The following MYO7B variants were observed in gnomAD, a reference collection of about 807,000 sequenced individuals.
MYO7B encodes myosin VIIB, also known as unconventional myosin-VIIb.
Under a neutral mutation model 259.7 loss-of-function variants are expected in MYO7B, and 212 were observed. The observed-to-expected ratio is 0.82, with a 90% CI of 0.73 to 0.91. MYO7B has a LOEUF of 0.91. Ranked by LOEUF, MYO7B falls within the 40% of genes least tolerant of loss-of-function variation. MYO7B has a pLI of 0.00. For missense variants in MYO7B, 2,732 were observed against 2,813.5 expected, an observed-to-expected ratio of 0.97 and a Z score of 0.66; for synonymous variants, 1,197 against 1,166.4, an observed-to-expected ratio of 1.03 and a Z score of -0.54.
chr2:127,635,051 G>T, intron 42 of MYO7B, 69 bp from the exon 43 acceptor site: 1 of 1,278,086 alleles, frequency 7.8e-7, no homozygotes, highest in African/African-American at 1.5e-5. Flanking sequence ...CAGTGTGGGG[G>T]GTGGCAGGGG....
intron 27 of MYO7B, among the ~76,000 whole-genome samples, chr2:127,621,295 A>C (rs1192193143): frequency 2.3e-5 from 3 of 130,950 alleles, no homozygotes; most frequent in Admixed American, 9.2e-5. Context: ...ACGGAGTCTC[A>C]CTCTGTCGCC....
Position 127,608,707 on chromosome 2 carries a change from G to GA in MYO7B, c.2644-1_2644insA (p.Ala882SerfsTer30), listed in dbSNP as rs1680255271. On this transcript the variant is annotated frameshift_variant and splice_region_variant. Transcript: ENST00000409816. LOFTEE classifies it high-confidence loss of function. ...GTAACCTTCCTCCACGGGGTATGCA[G>GA]GCGCCGCTGGTCATCCCGGCCGAGG... The GA allele has an allele frequency of 6.2e-7, 1 of 1,610,218 alleles. No individual in the cohort carries two copies. The highest frequency in any genetic ancestry group is 1.7e-5 in the Admixed American group (1 of 59,902).
intron 10 of MYO7B, among the ~76,000 whole-genome samples, chr2:127,581,138 C>A (rs77354621): frequency 6.6e-6 from 1 of 152,160 alleles, no homozygotes; most frequent in Non-Finnish European, 1.5e-5. Context: ...CTAGGCTCCC[C>A]ACTTGGACCC....
chr2:127,559,804 G>T lies in MYO7B; in HGVS notation c.18+64G>T. 1 of 1,575,938 alleles carries T rather than the reference G, an allele frequency of 6.3e-7. No homozygotes were observed. The highest frequency in any genetic ancestry group is 8.7e-7 in the Non-Finnish European group (1 of 1,145,458). Reference sequence around the variant, plus strand: ...AAGTTACTCAAGGCCAAGTTGAATCGCTCCCAAGGAAAGAGAGGAAAGGCA... The same window carrying T: ...AAGTTACTCAAGGCCAAGTTGAATCTCTCCCAAGGAAAGAGAGGAAAGGCA... On this transcript the variant is annotated intron_variant, in intron 2 of 47. Coordinates refer to ENST00000409816, the MANE Select transcript of MYO7B (RefSeq NM_001393586.1). The surrounding 1 kb of genome is among the most constrained non-coding windows in gnomAD (Gnocchi z 4.1).
chr2:127,574,272 C>CG (rs1395535993), intron 7 of MYO7B, among the ~76,000 whole-genome samples: 1 of 152,190 alleles, frequency 6.6e-6, no homozygotes, highest in Non-Finnish European at 1.5e-5. Context: ...TGGTGGCGCA[C>CG]GCCTCTAATC....
intron 24 of MYO7B, among the ~76,000 whole-genome samples, chr2:127,610,619 A>G (rs1480105565): frequency 6.6e-6 from 1 of 152,256 alleles, no homozygotes; most frequent in Non-Finnish European, 1.5e-5. Context: ...CCATGCTGTA[A>G]TGTTAGTGGA....
chr2:127,627,083 A>C lies in MYO7B; in HGVS notation c.4324A>C (p.Thr1442Pro). ...LLFSRLFEVI[T>P]LSGPRLPKTQ... is the part of the protein sequence containing the mutation. ...CTTCTCCCGGCTCTTCGAAGTCATC[A>C]CACTCTCAGGTAATGGCATCTGACA... The change falls in exon 32 of 48, where the codon ACA becomes CCA. Residue 1442 changes from threonine to proline, a missense_variant. By Grantham distance (38) the Thr-to-Pro change is conservative. Coordinates refer to ENST00000409816, the MANE Select transcript of MYO7B (RefSeq NM_001393586.1). This position sits in a 1 kb window ranked among gnomAD's most constrained non-coding sequence, Gnocchi z 5.6. 6.2e-7 allele frequency: 1 copy of C among 1,610,638 alleles called. No individual in the cohort carries two copies. The highest frequency in any genetic ancestry group is 8.5e-7 in the Non-Finnish European group (1 of 1,178,848).
chr2:127,619,243 G>T (rs1449518649), intron 26 of MYO7B, among the ~76,000 whole-genome samples: 2 of 128,588 alleles, frequency 1.6e-5, no homozygotes, highest in African/African-American at 6.2e-5. Context: ...GGTTGTGGGG[G>T]CTGGTTGGGT....
chr2:127,629,762 G>T lies in MYO7B; in HGVS notation c.4742G>T (p.Gly1581Val), dbSNP rs1367593535. ...LGQNDRTGKT[G>V]LVPMACLYTI... Reference sequence around the variant, plus strand: ...CAGAACGACAGGACAGGCAAGACGGGGCTGGTGCCCATGGCCTGCCTCTAC... The same window carrying T: ...CAGAACGACAGGACAGGCAAGACGGTGCTGGTGCCCATGGCCTGCCTCTAC... Residue 1581 changes from glycine (G) to valine (V), a missense_variant, in exon 35 of 48, where the codon GGG (glycine) becomes GTG (valine). Around this residue, in one of 3 missense-constraint regions of MYO7B, gnomAD observed 821 missense variants for 769.3 expected, o/e 1.07. Coordinates refer to ENST00000409816, the MANE Select transcript of MYO7B (RefSeq NM_001393586.1). 5.6e-6 allele frequency: 9 copies of T among 1,610,310 alleles called. No individual in the cohort carries two copies. The African/African-American group carries it at 1.1e-4, about 19-fold the overall frequency.
Position 127,624,334 on chromosome 2 carries a change from G to C in MYO7B, c.4047+14G>C, listed in dbSNP as rs1366344649. ...AGCTTCGAGAAGGTGAGGGGCCTGA[G>C]AGCCAGGTCCACCCTAGGCTTTGCC... On this transcript the variant is annotated intron_variant, in intron 30 of 47. Coordinates refer to ENST00000409816, the MANE Select transcript of MYO7B (RefSeq NM_001393586.1). 6.4e-7 allele frequency: 1 copy of C among 1,558,712 alleles called. No homozygotes were observed. The highest frequency in any genetic ancestry group is 1.4e-5 in the African/African-American group (1 of 73,518).
chr2:127,629,731 C>A lies in MYO7B; in HGVS notation c.4711C>A (p.Leu1571Ile). The change falls in exon 35 of 48, where the codon CTC becomes ATC. Residue 1571 changes from leucine to isoleucine, a missense_variant. Leu to Ile is a conservative substitution (Grantham distance 5, BLOSUM62 2). Transcript: ENST00000409816. ...GCTGCTGGCCTCTGAGAACTGGACCCTCGGCCAGAACGACAGGACAGGCAA... is the reference window on the plus strand; with the variant it reads ...GCTGCTGGCCTCTGAGAACTGGACCATCGGCCAGAACGACAGGACAGGCAA... ...QGLLASENWT[L>I]GQNDRTGKTG... The A allele has an allele frequency of 3.7e-6, 6 of 1,612,284 alleles. No homozygotes were observed. Among genetic ancestry groups the A allele is most frequent in the Non-Finnish European group, 5.1e-6 (6 of 1,179,444 alleles).
At chr2:127,596,096 T>C (rs938511784) in intron 18 of MYO7B, among the ~76,000 whole-genome samples, 1 of 152,222 alleles carries the variant, frequency 6.6e-6, no homozygotes, top group African/African-American at 2.4e-5. Flanking sequence ...AACATTTTTA[T>C]ATTGAAACAA....
intron 1 of MYO7B, among the ~76,000 whole-genome samples, chr2:127,549,886 G>C (rs1693382373): frequency 6.6e-6 from 1 of 152,128 alleles, no homozygotes; most frequent in Non-Finnish European, 1.5e-5. Context: ...CATCCAAATG[G>C]CTTACCCCAA....
intron 35 of MYO7B, among the ~76,000 whole-genome samples, chr2:127,630,406 C>T (rs765473101): frequency 6.6e-6 from 1 of 152,176 alleles, no homozygotes; most frequent in Non-Finnish European, 1.5e-5. Flanking sequence ...GAGGGAGGGA[C>T]ATTTGTGCTG....
Position 127,635,709 on chromosome 2 carries a change from G to A in MYO7B, c.5821-13G>A. 6.9e-6 allele frequency: 11 copies of A among 1,594,088 alleles called. No individual in the cohort carries two copies. Among genetic ancestry groups the A allele is most frequent in the Non-Finnish European group, 8.5e-6 (10 of 1,170,660 alleles). Reference sequence around the variant, plus strand: ...GCTGGAGACCCAGCATGCCCAGTGTGTCCATCACCCAGGAGCTGCCCAAGT... The same window carrying A: ...GCTGGAGACCCAGCATGCCCAGTGTATCCATCACCCAGGAGCTGCCCAAGT... On this transcript the variant is annotated splice_polypyrimidine_tract_variant and intron_variant, in intron 43 of 47. Coordinates refer to ENST00000409816, the MANE Select transcript of MYO7B (RefSeq NM_001393586.1).
intron 1 of MYO7B, among the ~76,000 whole-genome samples, chr2:127,536,382 T>C (rs1692776979): frequency 7.0e-6 from 1 of 142,014 alleles, no homozygotes; most frequent in Non-Finnish European, 1.5e-5. Flanking sequence ...CTTATCCGCC[T>C]TACCCATGTA....
intron 1 of MYO7B, among the ~76,000 whole-genome samples, chr2:127,551,805 A>G (rs568451433): frequency 1.3e-5 from 2 of 152,244 alleles, no homozygotes; most frequent in South Asian, 2.1e-4. Flanking sequence ...GTTTCAGTGA[A>G]AGAGGTCAAG....
chr2:127,588,358 G>A, intron 14 of MYO7B, 34 bp from the exon 15 acceptor site: 1 of 1,608,020 alleles, frequency 6.2e-7, no homozygotes, highest in Non-Finnish European at 8.5e-7. Context: ...TGATGGCTAA[G>A]CTGGGATGCT....
chr2:127,569,459 C>G (rs948696859), intron 5 of MYO7B, among the ~76,000 whole-genome samples: 4 of 152,194 alleles, frequency 2.6e-5, no homozygotes, highest in African/African-American at 9.6e-5. Flanking sequence ...GTGGGCCACC[C>G]TTTCATTAGG....
Sources: gnomAD v4.1 joint callset for allele counts (sites outside exome capture counted in the v4.1 genomes callset) on GRCh38, gnomAD v4.1.1 for gene constraint, gnomAD v4.1.1 regional missense constraint, Gnocchi (gnomAD v3.1) non-coding constraint, MANE v1.5 for transcripts, NCBI Gene and HGNC (gene_info 2026-07-23, HGNC 2026-07-21) for gene names.